RNF11: variants seen among roughly 807,000 people sequenced by gnomAD.
RNF11 encodes the protein ring finger protein 11.
RNF11 carries 4 observed loss-of-function variants against 15.8 expected under a neutral mutation model. The ratio of observed to expected loss-of-function variants is 0.25; its 90% CI spans 0.12 to 0.58. The LOEUF (loss-of-function observed/expected upper bound fraction) is 0.58, where lower values mean the gene tolerates loss of function less well. Among genes scored for constraint, RNF11 ranks in the 20% least tolerant of loss-of-function variants. RNF11 has a pLI of 0.91. For missense variants in RNF11, 139 were observed against 194.4 expected (o/e 0.71, Z 1.70); for synonymous variants, 68 against 72.3 (o/e 0.94, Z 0.30).
chr1:51,259,423 G>A lies in RNF11; in HGVS notation c.124-10533G>A, dbSNP rs534572986. Among the ~76,000 whole-genome samples, 11 of 152,308 alleles carry A rather than the reference G, an allele frequency of 7.2e-5. No homozygotes were observed. In the South Asian group the frequency reaches 1.0e-3, roughly 14 times the overall value. ...TTGCAAAGATAAATGAATTTAAGGC[G>A]TGGAAATATTTAGCACAGTATCTGA... On this transcript the variant is annotated intron_variant, in intron 1 of 2. Transcript: ENST00000242719.
At chr1:51,267,233 A>G (rs1646958730) in intron 1 of RNF11, among the ~76,000 whole-genome samples, 1 of 152,206 alleles carries the variant, frequency 6.6e-6, no homozygotes, top group African/African-American at 2.4e-5. Flanking sequence ...AGGCCCTGAA[A>G]TAGGCTAATC....
intron 1 of RNF11, among the ~76,000 whole-genome samples, chr1:51,245,029 A>G (rs1646845624): frequency 1.3e-5 from 2 of 152,182 alleles, no homozygotes; most frequent in Admixed American, 1.3e-4. Context: ...TTGATCTTTA[A>G]AAGTTTTAAT....
chr1:51,262,887 A>G (rs1002319231), intron 1 of RNF11, among the ~76,000 whole-genome samples: 28 of 152,154 alleles, frequency 1.8e-4, no homozygotes, highest in Non-Finnish European at 3.4e-4. Flanking sequence ...AGATAACAAA[A>G]AGATAATTTG....
intron 1 of RNF11, among the ~76,000 whole-genome samples, chr1:51,254,944 A>G (rs1184377132): frequency 6.6e-6 from 1 of 152,190 alleles, no homozygotes; most frequent in Non-Finnish European, 1.5e-5. Flanking sequence ...CTGGGAGAAA[A>G]AAACATAGCT....
intron 1 of RNF11, among the ~76,000 whole-genome samples, chr1:51,242,202 C>G (rs565301316): frequency 1.3e-5 from 2 of 151,880 alleles, no homozygotes; most frequent in African/African-American, 4.8e-5. Flanking sequence ...CTGCCGCTTA[C>G]ATGTAAAATA....
intron 1 of RNF11, 77 bp downstream of exon 1, chr1:51,236,956 T>A: frequency 6.6e-7 from 1 of 1,510,970 alleles, no homozygotes. Context: ...GGGCCGTCTC[T>A]GCCCCTGGCT....
chr1:51,237,585 T>C (rs1290459525), intron 1 of RNF11, among the ~76,000 whole-genome samples: 1 of 151,976 alleles, frequency 6.6e-6, no homozygotes. Flanking sequence ...GCTTGGGAAA[T>C]TCCTTCGGTT....
At chr1:51,244,683 T>G (rs572473777) in intron 1 of RNF11, among the ~76,000 whole-genome samples, 1 of 152,246 alleles carries the variant, frequency 6.6e-6, no homozygotes, top group East Asian at 1.9e-4. Context: ...CTGAATTTGG[T>G]TTTGTGTTCC....
At chr1:51,237,614 T>C (rs1381925578) in intron 1 of RNF11, among the ~76,000 whole-genome samples, 1 of 152,044 alleles carries the variant, frequency 6.6e-6, no homozygotes, top group Non-Finnish European at 1.5e-5. Flanking sequence ...TCTCCCTTTG[T>C]ATCAAAGACT....
chr1:51,267,815 C>T (rs765634701), intron 1 of RNF11, among the ~76,000 whole-genome samples: 2 of 152,228 alleles, frequency 1.3e-5, no homozygotes, highest in Non-Finnish European at 1.5e-5. Flanking sequence ...ACTGCAACCT[C>T]TGCCTCCCGG....
chr1:51,250,147 CT>C (rs1421170811), intron 1 of RNF11, among the ~76,000 whole-genome samples: 1 of 151,986 alleles, frequency 6.6e-6, no homozygotes, highest in Non-Finnish European at 1.5e-5. Context: ...ATTTTTGAAA[CT>C]TTTTTTAGCT....
At chr1:51,267,835 G>T (rs11810639) in intron 1 of RNF11, among the ~76,000 whole-genome samples, 1 of 152,120 alleles carries the variant, frequency 6.6e-6, no homozygotes, top group Non-Finnish European at 1.5e-5. Context: ...GGTTAAAGCA[G>T]TTCTCTTGCC....
intron 1 of RNF11, among the ~76,000 whole-genome samples, chr1:51,245,627 A>G (rs1646848282): frequency 6.6e-6 from 1 of 151,724 alleles, no homozygotes; most frequent in Non-Finnish European, 1.5e-5. Context: ...AATTTTTTGT[A>G]TTTTTAGTAG....
intron 1 of RNF11, among the ~76,000 whole-genome samples, chr1:51,267,236 G>C (rs1646958741): frequency 6.6e-6 from 1 of 152,178 alleles, no homozygotes; most frequent in Admixed American, 6.5e-5. Context: ...CCCTGAAATA[G>C]GCTAATCAAA....
intron 1 of RNF11, among the ~76,000 whole-genome samples, chr1:51,237,770 T>C (rs1393780697): frequency 6.6e-6 from 1 of 152,172 alleles, no homozygotes; most frequent in East Asian, 1.9e-4. Context: ...CCTGTACTTT[T>C]TCCATTTTAG....
intron 1 of RNF11, among the ~76,000 whole-genome samples, chr1:51,238,097 C>T (rs901625321): frequency 3.3e-5 from 5 of 152,200 alleles, no homozygotes; most frequent in African/African-American, 1.2e-4. Context: ...TCCAGGCCTA[C>T]CAAATACACC....
intron 1 of RNF11, among the ~76,000 whole-genome samples, chr1:51,244,491 TCTC>T (rs1454028939): frequency 6.6e-6 from 1 of 152,184 alleles, no homozygotes; most frequent in African/African-American, 2.4e-5. Context: ...TTCACGCCAT[TCTC>T]CTGCCTCAGC....
intron 1 of RNF11, among the ~76,000 whole-genome samples, chr1:51,257,826 C>A (rs1448855481): frequency 2.9e-5 from 4 of 140,094 alleles, no homozygotes; most frequent in Non-Finnish European, 4.6e-5. Flanking sequence ...ATTTGCATTT[C>A]TCTTCTTATT....
chr1:51,241,983 C>T (rs1268750127), intron 1 of RNF11, among the ~76,000 whole-genome samples: 1 of 152,216 alleles, frequency 6.6e-6, no homozygotes, highest in African/African-American at 2.4e-5. Context: ...GTTACATTTT[C>T]TAATCTGAAT....
Sources: allele counts gnomAD v4.1 joint callset (sites outside exome capture counted in the v4.1 genomes callset), GRCh38; gene constraint gnomAD v4.1.1; transcripts MANE v1.5; gene names NCBI Gene and HGNC (gene_info 2026-07-23, HGNC 2026-07-21).